Variants in PTCHD4 observed in about 807,000 individuals in gnomAD.
The protein encoded by PTCHD4 is patched domain-containing protein 4.
In PTCHD4, 33 loss-of-function variants were observed where a neutral mutation model predicts 58.1. The ratio of observed to expected loss-of-function variants is 0.57; its 90% CI spans 0.43 to 0.76. PTCHD4 has a LOEUF of 0.76. Ranked by LOEUF, PTCHD4 falls within the 30% of genes least tolerant of loss-of-function variation. The probability of loss-of-function intolerance (pLI) is 0.00; values close to 1 mark genes in which losing one functional copy is unlikely to be tolerated. For missense variants in PTCHD4, 1,058 were observed against 1,027.1 expected, an observed-to-expected ratio of 1.03 and a Z score of -0.41; for synonymous variants, 478 against 409.6, an observed-to-expected ratio of 1.17 and a Z score of -2.02.
At chr6:48,035,194 A>G (rs551164865) in intron 3 of PTCHD4, among the ~76,000 whole-genome samples, 10 of 152,254 alleles carry the variant, frequency 6.6e-5, no homozygotes, top group African/African-American at 1.9e-4. Flanking sequence ...CTAGTCATAT[A>G]ATATACCATT....
chr6:47,981,014 C>G (rs1008179809), intron 4 of PTCHD4, among the ~76,000 whole-genome samples: 14 of 151,942 alleles, frequency 9.2e-5, no homozygotes, highest in African/African-American at 3.1e-4. Context: ...AAAGGAGTTT[C>G]TTTTTCAGGA....
intron 4 of PTCHD4, among the ~76,000 whole-genome samples, chr6:47,897,046 G>A (rs1321542936): frequency 1.3e-5 from 2 of 151,376 alleles, no homozygotes; most frequent in Non-Finnish European, 2.9e-5. Context: ...AGGAATGAAT[G>A]TGTGCCTCTG....
At chr6:47,880,010 A>C in intron 4 of PTCHD4, 74 bp from the exon 5 acceptor site, 1 of 1,199,078 alleles carries the variant, frequency 8.3e-7, no homozygotes. Context: ...CTTATAGTTT[A>C]TCTATGCTAA....
rs189053334 is a variant in PTCHD4 at position 47,872,880 on chromosome 6, G to A, written c.*5423C>T. Among the ~76,000 whole-genome samples the A allele has an allele frequency of 1.7e-3, 260 of 151,418 alleles. No individual in the cohort carries two copies. Among genetic ancestry groups the A allele is most frequent in the Middle Eastern group, 3.4e-3 (1 of 294 alleles). ...ATATTGCTCTTTTGAGTTGTTTTCCGTTTTATAAGAAAAGCAAGTGGCTTC... is the reference window on the plus strand; with the variant it reads ...ATATTGCTCTTTTGAGTTGTTTTCCATTTTATAAGAAAAGCAAGTGGCTTC... On this transcript the variant is annotated 3_prime_UTR_variant, in exon 5 of 5. Coordinates refer to ENST00000339488, the MANE Select transcript of PTCHD4 (RefSeq NM_001384253.1).
chr6:47,873,592 C>A lies in PTCHD4; in HGVS notation c.*4711G>T, dbSNP rs1427645706. On this transcript the variant is annotated 3_prime_UTR_variant, in exon 5 of 5. Coordinates refer to ENST00000339488, the MANE Select transcript of PTCHD4 (RefSeq NM_001384253.1). ...CTTTCACTTATGATTTTGCTGCTTT[C>A]ATTTGGGTCAATATCATTGTAGTTA... Among the ~76,000 whole-genome samples, 1 of 151,682 alleles carries A rather than the reference C, an allele frequency of 6.6e-6. No homozygotes were observed. Among genetic ancestry groups the A allele is most frequent in the African/African-American group, 2.4e-5 (1 of 41,348 alleles).
intron 4 of PTCHD4, among the ~76,000 whole-genome samples, chr6:47,926,531 A>G (rs577383307): frequency 1.3e-5 from 2 of 152,284 alleles, no homozygotes; most frequent in Admixed American, 1.3e-4. Context: ...GGCCCCATCC[A>G]AGATCTATTG....
At chr6:48,086,684 T>A (rs570661232) in intron 1 of PTCHD4, among the ~76,000 whole-genome samples, 2 of 152,276 alleles carry the variant, frequency 1.3e-5, no homozygotes, top group South Asian at 4.1e-4. Flanking sequence ...AAAAGTGGCG[T>A]TTGCATTTTT....
chr6:48,093,025 G>T (rs1164332075), intron 1 of PTCHD4, among the ~76,000 whole-genome samples: 2 of 152,134 alleles, frequency 1.3e-5, no homozygotes, highest in Non-Finnish European at 2.9e-5. Context: ...GCAGTGCTGG[G>T]GATGCCACTG....
At position 47,864,210 on chromosome 6, in the gene PTCHD4, T is replaced by C. The variant is rs1763498541; in HGVS notation, c.*14093A>G. Among the ~76,000 whole-genome samples the C allele has an allele frequency of 6.6e-6, 1 of 151,894 alleles. No individual in the cohort carries two copies. Among genetic ancestry groups the C allele is most frequent in the Non-Finnish European group, 1.5e-5 (1 of 67,918 alleles). On this transcript the variant is annotated 3_prime_UTR_variant, in exon 5 of 5. Transcript: ENST00000339488. ...GAATCAGAACCTCTGGAGATGGGGA[T>C]ATGCAGGCTGTGCTTTGACAAGCCC...
intron 4 of PTCHD4, among the ~76,000 whole-genome samples, chr6:47,981,554 G>C (rs1244419066): frequency 6.6e-6 from 1 of 152,134 alleles, no homozygotes; most frequent in East Asian, 1.9e-4. Context: ...TGAAAAATCT[G>C]ATCTTTTGGT....
Position 47,864,170 on chromosome 6 carries a change from C to T in PTCHD4, c.*14133G>A, listed in dbSNP as rs1581795248. Among the ~76,000 whole-genome samples, 2 of 152,054 alleles carry T rather than the reference C, an allele frequency of 1.3e-5. No homozygotes were observed. Among genetic ancestry groups the T allele is most frequent in the East Asian group, 1.9e-4 (1 of 5,142 alleles). ...GTTAGAAATGTAAATTTTCAGGCCT[C>T]ACTCCAGATCTATTGAATCAGAACC... On this transcript the variant is annotated 3_prime_UTR_variant, in exon 5 of 5. Transcript: ENST00000339488.
At position 47,879,239 on chromosome 6, in the gene PTCHD4, C is replaced by T; in HGVS notation, c.1596G>A (p.Gln532=). 1 of 1,612,778 alleles carries T rather than the reference C, an allele frequency of 6.2e-7. No individual in the cohort carries two copies. The highest frequency in any genetic ancestry group is 8.5e-7 in the Non-Finnish European group (1 of 1,179,434). The change falls in exon 5 of 5, where the codon CAG becomes CAA. Residue 532 remains glutamine, a synonymous_variant. Coordinates refer to ENST00000339488, the MANE Select transcript of PTCHD4 (RefSeq NM_001384253.1). The stretch of plus-strand genomic sequence containing the variant: ...CACTACAGAGTCTTCTTAGGTCATC[C>T]TGGACGCTGCTGTTCCAGTACTCTA... The part of the protein sequence containing the change: ...EPLEYWNSSV[Q]DDLRRLCSGF...
chr6:48,068,805 G>T lies in PTCHD4; in HGVS notation c.5+148C>A. 1 of 640,704 alleles carries T rather than the reference G, an allele frequency of 1.6e-6. No homozygotes were observed. The highest frequency in any genetic ancestry group is 2.7e-6 in the Non-Finnish European group (1 of 375,240). The allele number at this position is 640,704 out of a possible 1,614,324, so 39.7% of individuals were successfully genotyped here. A position where few individuals can be genotyped will look rare whatever the true frequency, so the allele number is the denominator to read the frequency against. On this transcript the variant is annotated intron_variant, in intron 2 of 4. Transcript: ENST00000339488. This position sits in a 1 kb window ranked among gnomAD's most constrained non-coding sequence, Gnocchi z 4.2. ...TCTTTCCCCGGCCCCACCTCCATGC[G>T]CTCCTACTACTCTTTCAAACACTGC...
chr6:48,017,658 G>A (rs1762912465), intron 3 of PTCHD4, among the ~76,000 whole-genome samples: 2 of 152,110 alleles, frequency 1.3e-5, no homozygotes, highest in Admixed American at 1.3e-4. Context: ...ATGAAGAAGT[G>A]CTATACTGGA....
intron 4 of PTCHD4, among the ~76,000 whole-genome samples, chr6:47,896,933 T>A (rs554828732): frequency 6.6e-6 from 1 of 152,274 alleles, no homozygotes; most frequent in South Asian, 2.1e-4. Flanking sequence ...TCCTTGAGGA[T>A]CAGTCTTGAG....
intron 4 of PTCHD4, among the ~76,000 whole-genome samples, chr6:47,972,944 T>A (rs1196933377): frequency 6.6e-6 from 1 of 152,170 alleles, no homozygotes; most frequent in African/African-American, 2.4e-5. Flanking sequence ...AATGATGTCA[T>A]TCACCCTTTA....
Position 48,056,691 on chromosome 6 carries a change from T to C in PTCHD4, c.417+11539A>G, listed in dbSNP as rs138394831. 5.3e-3 allele frequency among the ~76,000 whole-genome samples: 803 copies of C among 152,320 alleles called. 10 individuals carry two copies. The highest frequency in any genetic ancestry group is 0.018 in the African/African-American group (754 of 41,568). On this transcript the variant is annotated intron_variant, in intron 3 of 4. Coordinates refer to ENST00000339488, the MANE Select transcript of PTCHD4 (RefSeq NM_001384253.1). ...TTGAATATGATGGGAGCTCTGGCCC[T>C]TGCAGACCTTCACCTATGCATTTCT...
At chr6:47,957,717 C>T (rs1340128812) in intron 4 of PTCHD4, among the ~76,000 whole-genome samples, 3 of 151,656 alleles carry the variant, frequency 2.0e-5, no homozygotes, top group Non-Finnish European at 4.4e-5. Flanking sequence ...TCTTCTGCCT[C>T]AGTATCTAGA....
At chr6:48,088,075 CTAGGT>C in intron 1 of PTCHD4, among the ~76,000 whole-genome samples, 1 of 151,940 alleles carries the variant, frequency 6.6e-6, no homozygotes, top group Non-Finnish European at 1.5e-5. Flanking sequence ...AGTGGGCATG[CTAGGT>C]TACAAGACCA....
Sources: gnomAD v4.1 joint callset for allele counts (sites outside exome capture counted in the v4.1 genomes callset) on GRCh38, gnomAD v4.1.1 for gene constraint, Gnocchi (gnomAD v3.1) non-coding constraint, MANE v1.5 for transcripts, NCBI Gene and HGNC (gene_info 2026-07-23, HGNC 2026-07-21) for gene names.